APBB2: variants seen among roughly 807,000 people sequenced by gnomAD.
APBB2 encodes the protein Fe65-like 1.
Under a neutral mutation model 82.5 loss-of-function variants are expected in APBB2, and 38 were observed. The observed-to-expected ratio is 0.46, with a 90% CI of 0.36 to 0.60. The LOEUF (loss-of-function observed/expected upper bound fraction) is 0.60, where lower values mean the gene tolerates loss of function less well. Among genes scored for constraint, APBB2 ranks in the 20% least tolerant of loss-of-function variants. The probability of loss-of-function intolerance (pLI) is 0.00; values close to 1 mark genes in which losing one functional copy is unlikely to be tolerated. For synonymous variants in APBB2, 341 were observed against 368.2 expected, an observed-to-expected ratio of 0.93 and a Z score of 0.85; for missense variants, 772 against 972.3, an observed-to-expected ratio of 0.79 and a Z score of 2.74.
intron 1 of APBB2, among the ~76,000 whole-genome samples, chr4:41,170,396 T>C (rs779876717): frequency 3.9e-5 from 6 of 152,172 alleles, no homozygotes; most frequent in African/African-American, 1.4e-4. Flanking sequence ...TCACATCCAT[T>C]TGGAAGGAAG....
intron 1 of APBB2, among the ~76,000 whole-genome samples, chr4:41,199,418 A>G (rs906658933): frequency 2.0e-5 from 3 of 152,226 alleles, no homozygotes; most frequent in African/African-American, 7.2e-5. Flanking sequence ...AAGAGAAGCT[A>G]GTTAATATAC....
intron 12 of APBB2, among the ~76,000 whole-genome samples, chr4:40,850,999 C>G (rs1379478254): frequency 6.6e-6 from 1 of 152,094 alleles, no homozygotes; most frequent in Non-Finnish European, 1.5e-5. Flanking sequence ...TCTGCCAACC[C>G]CTGCTCTAGA....
chr4:40,874,470 G>A (rs911149882), intron 12 of APBB2, among the ~76,000 whole-genome samples: 1 of 151,300 alleles, frequency 6.6e-6, no homozygotes, highest in Admixed American at 6.6e-5. Flanking sequence ...AGTGCTGTTC[G>A]TAAGAACACA....
intron 15 of APBB2, among the ~76,000 whole-genome samples, chr4:40,824,872 C>T (rs1422717033): frequency 1.3e-5 from 2 of 152,126 alleles, no homozygotes; most frequent in Non-Finnish European, 2.9e-5. Context: ...ATTTTTCCCC[C>T]ACTCCCCAGA....
chr4:40,970,647 G>A (rs1184945248), intron 6 of APBB2, among the ~76,000 whole-genome samples: 3 of 152,134 alleles, frequency 2.0e-5, no homozygotes, highest in Non-Finnish European at 4.4e-5. Flanking sequence ...TTCCTATCTC[G>A]GGACACATGA....
intron 12 of APBB2, among the ~76,000 whole-genome samples, chr4:40,856,660 G>A (rs1479463337): frequency 6.6e-6 from 1 of 152,172 alleles, no homozygotes; most frequent in Non-Finnish European, 1.5e-5. Context: ...GGCAGTCACT[G>A]CCTCAATCAT....
chr4:41,031,737 T>C (rs1054457254), intron 5 of APBB2, among the ~76,000 whole-genome samples: 25 of 152,218 alleles, frequency 1.6e-4, no homozygotes, highest in African/African-American at 5.8e-4. Context: ...GATAAGACTA[T>C]AATAATAATC....
At chr4:40,878,579 C>T (rs1410503747) in intron 12 of APBB2, among the ~76,000 whole-genome samples, 1 of 152,132 alleles carries the variant, frequency 6.6e-6, no homozygotes, top group East Asian at 1.9e-4. Flanking sequence ...CTAACTCATC[C>T]TCTCCCGCCT....
chr4:41,064,072 G>A lies in APBB2; in HGVS notation c.-51+1504C>T, dbSNP rs372497474. Among the ~76,000 whole-genome samples, 87 of 145,738 alleles carry A rather than the reference G, an allele frequency of 6.0e-4. 1 individual carries two copies. Among genetic ancestry groups the A allele is most frequent in the African/African-American group, 2.0e-3 (79 of 39,216 alleles). On this transcript the variant is annotated intron_variant, in intron 4 of 17. Transcript: ENST00000508593. Reference sequence around the variant, plus strand: ...CGGTTCACTGCAAGCTCCGCTTCCCGGGTTCACGCCATCCTCCTGCCTCAG... The same window carrying A: ...CGGTTCACTGCAAGCTCCGCTTCCCAGGTTCACGCCATCCTCCTGCCTCAG...
At chr4:41,068,626 T>G (rs745353512) in intron 3 of APBB2, among the ~76,000 whole-genome samples, 1 of 152,088 alleles carries the variant, frequency 6.6e-6, no homozygotes, top group Non-Finnish European at 1.5e-5. Context: ...AAAGAGCATT[T>G]ATAAGTTTTA....
chr4:40,971,113 T>C lies in APBB2; in HGVS notation c.836-26040A>G, dbSNP rs148778786. On this transcript the variant is annotated intron_variant, in intron 6 of 17. Transcript: ENST00000508593. ...CTCGCAATGATTCCTATACCAAGGC[T>C]ATGAAACATCTTCTTATTGCTCAGT... Among the ~76,000 whole-genome samples, 9 of 152,342 alleles carry C rather than the reference T, an allele frequency of 5.9e-5. No individual in the cohort carries two copies. The East Asian group carries it at 1.7e-3, about 29-fold the overall frequency.
At chr4:40,904,364 C>G (rs28499405) in intron 10 of APBB2, among the ~76,000 whole-genome samples, 5,854 of 151,838 alleles carry the variant, frequency 0.039, 368 homozygotes, top group African/African-American at 0.13. Context: ...CTGGGAGGCG[C>G]AGGTTGCAGT....
At chr4:40,840,402 G>C (rs1472214818) in intron 12 of APBB2, among the ~76,000 whole-genome samples, 1 of 152,128 alleles carries the variant, frequency 6.6e-6, no homozygotes, top group Non-Finnish European at 1.5e-5. Flanking sequence ...AGAGTGGGAG[G>C]AATCAGGAAG....
At chr4:40,926,381 A>C (rs1450893367) in intron 10 of APBB2, among the ~76,000 whole-genome samples, 1 of 152,130 alleles carries the variant, frequency 6.6e-6, no homozygotes, top group Non-Finnish European at 1.5e-5. Context: ...TCAAGCACTG[A>C]CCTTCCAATT....
chr4:40,858,840 T>C (rs1422206352), intron 12 of APBB2, among the ~76,000 whole-genome samples: 1 of 152,202 alleles, frequency 6.6e-6, no homozygotes, highest in African/African-American at 2.4e-5. Context: ...ACACTTCAAT[T>C]ATTTGGAAGA....
chr4:41,100,856 C>T (rs758943716), intron 2 of APBB2, 106 bp from the exon 3 acceptor site: 5 of 152,136 alleles, frequency 3.3e-5, no homozygotes, highest in Non-Finnish European at 7.3e-5. Context: ...AACAAAATAA[C>T]GATGTCATTG....
At chr4:41,027,324 TACAC>T (rs1288553597) in intron 5 of APBB2, among the ~76,000 whole-genome samples, 1 of 146,424 alleles carries the variant, frequency 6.8e-6, no homozygotes, top group East Asian at 2.0e-4. Context: ...TTTTTGTACA[TACAC>T]ACACACATTT....
chr4:41,142,068 CT>C (rs1759382545), intron 2 of APBB2, among the ~76,000 whole-genome samples: 1 of 152,130 alleles, frequency 6.6e-6, no homozygotes, highest in East Asian at 1.9e-4. Context: ...CAGGAAAAAT[CT>C]GGATGATTTA....
chr4:41,056,161 C>T (rs1359479998), intron 4 of APBB2, among the ~76,000 whole-genome samples: 2 of 151,948 alleles, frequency 1.3e-5, no homozygotes, highest in Non-Finnish European at 2.9e-5. Flanking sequence ...GCCTGGGCAA[C>T]AAGAGCTAAA....
Sources: allele counts gnomAD v4.1 joint callset (sites outside exome capture counted in the v4.1 genomes callset), GRCh38; gene constraint gnomAD v4.1.1; transcripts MANE v1.5; gene names NCBI Gene and HGNC (gene_info 2026-07-23, HGNC 2026-07-21).